MMP21: variants seen among roughly 807,000 people sequenced by gnomAD.
MMP21 encodes matrix metalloproteinase-21.
MMP21 carries 40 observed loss-of-function variants against 47.8 expected under a neutral mutation model. The observed-to-expected ratio is 0.84, with a 90% CI of 0.65 to 1.09. MMP21 has a LOEUF of 1.09. Among genes scored for constraint, MMP21 ranks in the 50% least tolerant of loss-of-function variants. The pLI is 0.00. For missense variants in MMP21, 747 were observed against 775.3 expected, an observed-to-expected ratio of 0.96 and a Z score of 0.43; for synonymous variants, 341 against 318.0, an observed-to-expected ratio of 1.07 and a Z score of -0.77.
chr10:125,771,302 C>G (rs1455669802), intron 4 of MMP21, among the ~76,000 whole-genome samples: 1 of 152,134 alleles, frequency 6.6e-6, no homozygotes, highest in Admixed American at 6.5e-5. Context: ...AAGATTTCCA[C>G]TGGGGCAAGT....
Position 125,766,908 on chromosome 10 carries a change from C to A in MMP21, c.1464G>T (p.Arg488Ser), listed in dbSNP as rs780313247. The A allele has an allele frequency of 2.9e-5, 46 of 1,611,940 alleles. No homozygotes were observed. Among genetic ancestry groups the A allele is most frequent in the Non-Finnish European group, 3.6e-5 (42 of 1,179,438 alleles). ...RNRVLNSYPK[R>S]ITEVFPAVIP... ...TTACTGCTGGAAAAACTTCAGTAAT[C>A]CTCTTTGGATAAGAATTAAGTACTC... The change falls in exon 7 of 7, where the codon AGG becomes AGT. Residue 488 changes from arginine (R) to serine (S), a missense_variant. By Grantham distance (110) the Arg-to-Ser change is moderately radical. Transcript: ENST00000368808.
At chr10:125,767,739 T>C (rs371000186) in intron 5 of MMP21, 35 bp from the exon 6 acceptor site, 46 of 1,603,974 alleles carry the variant, frequency 2.9e-5, no homozygotes, top group Non-Finnish European at 3.8e-5. Flanking sequence ...ATGTGGTTTA[T>C]TACTATTAAA....
rs1049808374 is a variant in MMP21, at chr10:125,773,131, C to T, written c.698-381G>A. 2.6e-5 allele frequency among the ~76,000 whole-genome samples: 4 copies of T among 152,268 alleles called. No homozygotes were observed. The highest frequency in any genetic ancestry group is 6.5e-5 in the Admixed American group (1 of 15,304). ...TTAAAATTTGTCTTTTTCAGCCAAC[C>T]GTGTCCCTATACTTCTCACCCTGGG... On this transcript the variant is annotated intron_variant, in intron 2 of 6. Coordinates refer to ENST00000368808, the MANE Select transcript of MMP21 (RefSeq NM_147191.1). The surrounding 1 kb of genome is among the most constrained non-coding windows in gnomAD (Gnocchi z 4.8).
chr10:125,766,660 T>C lies in MMP21; in HGVS notation c.*2A>G, dbSNP rs1233327251. ...TGACCCTCCATTTCCTACTTTTTCT[T>C]ATTACATGTTCAGTGTGGAGATATG... On this transcript the variant is annotated 3_prime_UTR_variant, in exon 7 of 7. Transcript: ENST00000368808. 1.3e-6 allele frequency: 2 copies of C among 1,581,266 alleles called. No homozygotes were observed. The highest frequency in any genetic ancestry group is 8.6e-7 in the Non-Finnish European group (1 of 1,168,218).
Position 125,772,520 on chromosome 10 carries a change from G to A in MMP21, c.837+91C>T, listed in dbSNP as rs911721142. The A allele has an allele frequency of 3.2e-5, 51 of 1,592,112 alleles. No individual in the cohort carries two copies. Among genetic ancestry groups the A allele is most frequent in the African/African-American group, 2.3e-4 (17 of 74,492 alleles). On this transcript the variant is annotated intron_variant, in intron 3 of 6. Transcript: ENST00000368808. The surrounding 1 kb of genome is among the most constrained non-coding windows in gnomAD (Gnocchi z 5.6). ...ACGGATTCACCTCCTCAGAGGTTGC[G>A]GACACTACATGAGAAAAGCTTGGAC... is the stretch of plus-strand genomic sequence containing the variant.
At chr10:125,775,058 A>G (rs1164659685) in intron 1 of MMP21, among the ~76,000 whole-genome samples, 2 of 152,052 alleles carry the variant, frequency 1.3e-5, no homozygotes, top group African/African-American at 4.8e-5. Flanking sequence ...ATTGGACTTG[A>G]CCCTGAGCAT....
In MMP21 at chr10:125,773,778, C is replaced by A; in HGVS notation, c.697+53G>T. The A allele has an allele frequency of 6.9e-7, 1 of 1,451,354 alleles. No homozygotes were observed. The highest frequency in any genetic ancestry group is 1.4e-5 in the South Asian group (1 of 70,186). The allele number at this position is 1,451,354 out of a possible 1,614,324, so 89.9% of individuals were successfully genotyped here. A position where few individuals can be genotyped will look rare whatever the true frequency, so the allele number is the denominator to read the frequency against. ...GTGGCCGAGGTGGGGGTAGGTGCGC[C>A]GGGGTCCCCGAGGGGCTGGGTCGGG... On this transcript the variant is annotated intron_variant, in intron 2 of 6. Coordinates refer to ENST00000368808, the MANE Select transcript of MMP21 (RefSeq NM_147191.1). This position sits in a 1 kb window ranked among gnomAD's most constrained non-coding sequence, Gnocchi z 4.8.
At chr10:125,769,842 T>G (rs1589892249) in intron 5 of MMP21, among the ~76,000 whole-genome samples, 1 of 152,198 alleles carries the variant, frequency 6.6e-6, no homozygotes, top group Non-Finnish European at 1.5e-5. Flanking sequence ...TTCGGTGACT[T>G]AGTGCCGTCT....
At position 125,774,341 on chromosome 10, in the gene MMP21, AC is replaced by A; in HGVS notation, c.186del (p.Trp62CysfsTer48). The part of the protein sequence containing the change: ...AAQRFLSRYG[W>X]SGVWAAWGPS... ...GGCCCCCAGGCCGCCCACACCCCTG[AC>A]CAGCCGTATCTGGACAGGAACCGCT... On this transcript the variant is annotated frameshift_variant, in exon 2 of 7. Coordinates refer to ENST00000368808, the MANE Select transcript of MMP21 (RefSeq NM_147191.1). LOFTEE classifies it high-confidence loss of function. 1 of 1,392,356 alleles carries A rather than the reference AC, an allele frequency of 7.2e-7. No individual in the cohort carries two copies. Among genetic ancestry groups the A allele is most frequent in the South Asian group, 1.6e-5 (1 of 63,632 alleles). 86.3% of individuals were successfully genotyped at this position (1,392,356 alleles called of 1,614,324 possible).
In MMP21 at chr10:125,772,316, G is replaced by A. The variant is rs1452360585; in HGVS notation, c.881C>T (p.Thr294Ile). Residue 294 changes from threonine to isoleucine, a missense_variant, in exon 4 of 7, where the codon ACC becomes ATC. Physicochemically the swap from Thr to Ile is moderately conservative, Grantham distance 89. Transcript: ENST00000368808. The surrounding 1 kb of genome is among the most constrained non-coding windows in gnomAD (Gnocchi z 5.6). ...TTGCATTATGGATCCCGTCCTGTAG[G>A]TGTGAGGCAAGCCCAGGACATGGCC... ...EIGHVLGLPH[T>I]YRTGSIMQPN... The A allele has an allele frequency of 6.2e-7, 1 of 1,614,174 alleles. No individual in the cohort carries two copies. The highest frequency in any genetic ancestry group is 1.7e-5 in the Admixed American group (1 of 60,032).
intron 4 of MMP21, among the ~76,000 whole-genome samples, chr10:125,771,389 G>A (rs1732435191): frequency 6.6e-6 from 1 of 151,766 alleles, no homozygotes; most frequent in Admixed American, 6.6e-5. Flanking sequence ...GAAATGGGGT[G>A]GTCTCTGTTA....
At position 125,773,779 on chromosome 10, in the gene MMP21, G is replaced by T; in HGVS notation, c.697+52C>A. On this transcript the variant is annotated intron_variant, in intron 2 of 6. Transcript: ENST00000368808. This position sits in a 1 kb window ranked among gnomAD's most constrained non-coding sequence, Gnocchi z 4.8. ...TGGCCGAGGTGGGGGTAGGTGCGCC[G>T]GGGTCCCCGAGGGGCTGGGTCGGGC... 6.9e-7 allele frequency: 1 copy of T among 1,451,360 alleles called. No homozygotes were observed. Among genetic ancestry groups the T allele is most frequent in the South Asian group, 1.4e-5 (1 of 70,138 alleles). The allele number at this position is 1,451,360 out of a possible 1,614,324, so 89.9% of individuals were successfully genotyped here.
Position 125,774,085 on chromosome 10 carries a change from G to T in MMP21, c.443C>A (p.Ala148Glu). The T allele has an allele frequency of 7.3e-7, 1 of 1,375,610 alleles. No homozygotes were observed. Among genetic ancestry groups the T allele is most frequent in the Non-Finnish European group, 9.3e-7 (1 of 1,070,216 alleles). 85.2% of individuals were successfully genotyped at this position (1,375,610 alleles called of 1,614,324 possible). Residue 148 changes from alanine (A) to glutamate (E), a missense_variant, in exon 2 of 7, where the codon GCG (alanine) becomes GAG (glutamate). By Grantham distance (107) the Ala-to-Glu change is moderately radical. Coordinates refer to ENST00000368808, the MANE Select transcript of MMP21 (RefSeq NM_147191.1). ...ACCCCGCCGGGACAAGGACAGCGGC[G>T]CCCGCGGGGAGCGCCTGGAGCGGGC... ...PRARSRRSPR[A>E]PLSLSRRGWQ... is the part of the protein sequence containing the mutation.
Position 125,773,778 on chromosome 10 carries a change from CG to C in MMP21, c.697+52del. 6.9e-7 allele frequency: 1 copy of C among 1,451,350 alleles called. No individual in the cohort carries two copies. Among genetic ancestry groups the C allele is most frequent in the South Asian group, 1.4e-5 (1 of 70,184 alleles). The allele number at this position is 1,451,350 out of a possible 1,614,324, so 89.9% of individuals were successfully genotyped here. Reference sequence around the variant, plus strand: ...GTGGCCGAGGTGGGGGTAGGTGCGCCGGGGTCCCCGAGGGGCTGGGTCGGGC... The same window carrying C: ...GTGGCCGAGGTGGGGGTAGGTGCGCCGGGTCCCCGAGGGGCTGGGTCGGGC... On this transcript the variant is annotated intron_variant, in intron 2 of 6. Coordinates refer to ENST00000368808, the MANE Select transcript of MMP21 (RefSeq NM_147191.1). This position sits in a 1 kb window ranked among gnomAD's most constrained non-coding sequence, Gnocchi z 4.8.
chr10:125,774,416 C>T (rs1216066163), intron 1 of MMP21, 51 bp from the exon 2 acceptor site: 5 of 1,264,714 alleles, frequency 4.0e-6, no homozygotes, highest in Non-Finnish European at 5.0e-6. Flanking sequence ...CGGGGCCCTC[C>T]CGGGCTGCCC....
intron 5 of MMP21, among the ~76,000 whole-genome samples, chr10:125,769,869 T>C (rs1850426837): frequency 6.6e-6 from 1 of 152,128 alleles, no homozygotes; most frequent in Non-Finnish European, 1.5e-5. Flanking sequence ...GATCAGGGCC[T>C]GGGTGCAGTG....
At position 125,774,126 on chromosome 10, in the gene MMP21, C is replaced by T. The variant is rs1182776137; in HGVS notation, c.402G>A (p.Pro134=). The change falls in exon 2 of 7, where the codon CCG becomes CCA. Residue 134 remains proline, a synonymous_variant. Transcript: ENST00000368808. ...PPPPSAPPSP[P]GPPPRARSRR... ...TGGAGCGGGCTCTGGGGGGCGGGCC[C>T]GGGGGCGAAGGCGGGGCGGAGGGGG... is the stretch of plus-strand genomic sequence containing the variant. 6 of 1,299,748 alleles carry T rather than the reference C, an allele frequency of 4.6e-6. No individual in the cohort carries two copies. The highest frequency in any genetic ancestry group is 4.7e-5 in the South Asian group (2 of 42,160). 80.5% of individuals were successfully genotyped at this position (1,299,748 alleles called of 1,614,324 possible). A position where few individuals can be genotyped will look rare whatever the true frequency, so the allele number is the denominator to read the frequency against.
intron 5 of MMP21, among the ~76,000 whole-genome samples, chr10:125,768,051 T>C (rs1272461728): frequency 6.6e-6 from 1 of 152,194 alleles, no homozygotes; most frequent in Non-Finnish European, 1.5e-5. Context: ...ATTTTTACCT[T>C]AGTATCTTAA....
intron 5 of MMP21, among the ~76,000 whole-genome samples, chr10:125,769,684 C>T (rs183810695): frequency 1.3e-5 from 2 of 152,332 alleles, no homozygotes; most frequent in East Asian, 1.9e-4. Context: ...CTCTTCTGCT[C>T]GGTCTGCCCC....
Sources: allele counts gnomAD v4.1 joint callset (sites outside exome capture counted in the v4.1 genomes callset), GRCh38; gene constraint gnomAD v4.1.1; non-coding constraint Gnocchi (gnomAD v3.1); transcripts MANE v1.5; gene names NCBI Gene and HGNC (gene_info 2026-07-23, HGNC 2026-07-21).